NMUR1: variants seen among roughly 807,000 people sequenced by gnomAD.
NMUR1 encodes neuromedin-U receptor 1.
Under a neutral mutation model 18.8 loss-of-function variants are expected in NMUR1, and 16 were observed. That is an observed-to-expected ratio of 0.85 (90% CI 0.58 to 1.29). NMUR1 has a LOEUF of 1.29. Among genes scored for constraint, NMUR1 ranks in the 50% most tolerant of loss-of-function variants. The probability of loss-of-function intolerance (pLI) is 0.00; values close to 1 mark genes in which losing one functional copy is unlikely to be tolerated. For missense variants in NMUR1, 529 were observed against 580.3 expected (o/e 0.91, Z 0.91); for synonymous variants, 258 against 258.2 (o/e 1.00, Z 0.01).
chr2:231,519,557 G>A (rs909917334), downstream of NMUR1, among the ~76,000 whole-genome samples: 1 of 152,230 alleles, frequency 6.6e-6, no homozygotes, highest in Admixed American at 6.5e-5. Flanking sequence ...TCTCATTTGT[G>A]TGCAGGCAGA....
downstream of NMUR1, among the ~76,000 whole-genome samples, chr2:231,520,391 C>T (rs1465859368): frequency 6.6e-6 from 1 of 152,208 alleles, no homozygotes; most frequent in East Asian, 1.9e-4. Flanking sequence ...GTCACTTGCT[C>T]CAGATACAGG....
downstream of NMUR1, among the ~76,000 whole-genome samples, chr2:231,522,289 G>A (rs1055349156): frequency 2.6e-5 from 2 of 78,374 alleles, no homozygotes; most frequent in African/African-American, 7.2e-5. Context: ...CCGGCCCAGA[G>A]GGCACCCTTC....
At position 231,528,523 on chromosome 2, in the gene NMUR1, T is replaced by C. The variant is rs2047381152; in HGVS notation, c.498A>G (p.Pro166=). The change falls in exon 2 of 3, where the codon CCA becomes CCG. Residue 166 remains proline (P), a synonymous_variant. Transcript: ENST00000305141. ...SVERYVAVVH[P]LQARSMVTRA... ...GCGTCACCATGGACCTGGCCTGGAG[T>C]GGGTGCACCACGGCCACATAGCGTT... 7 of 1,613,624 alleles carry C rather than the reference T, an allele frequency of 4.3e-6. No individual in the cohort carries two copies. The highest frequency in any genetic ancestry group is 4.0e-5 in the African/African-American group (3 of 74,876).
In NMUR1 at chr2:231,523,841, C is replaced by T. The variant is rs1025024811; in HGVS notation, c.*1202G>A. On this transcript the variant is annotated 3_prime_UTR_variant, in exon 3 of 3. Transcript: ENST00000305141. ...GTCCCTCTTCTCACTGCATTGAGTT[C>T]GGCAGAACCCTCCACAGGGTCACTC... 7 of 152,688 alleles carry T rather than the reference C, an allele frequency of 4.6e-5. No individual in the cohort carries two copies. Among genetic ancestry groups the T allele is most frequent in the Admixed American group, 3.3e-4 (5 of 15,280 alleles). 9.5% of individuals were successfully genotyped at this position (152,688 alleles called of 1,614,324 possible). A position where few individuals can be genotyped will look rare whatever the true frequency, so the allele number is the denominator to read the frequency against.
intron 2 of NMUR1, among the ~76,000 whole-genome samples, 168 bp from the exon 3 acceptor site, chr2:231,525,593 C>G (rs1326175967): frequency 6.6e-6 from 1 of 152,252 alleles, no homozygotes; most frequent in Non-Finnish European, 1.5e-5. Context: ...GGCCATGCCT[C>G]TCTCAGAGAG....
Position 231,525,361 on chromosome 2 carries a change from G to C in NMUR1, c.963C>G (p.Ser321Arg), listed in dbSNP as rs757098953. ...APFHADRVMW[S>R]VVSQWTDGLH... ...GGCCATCTGTCCACTGTGACACGAC[G>C]CTCCACATGACGCGGTCGGCGTGGA... is the stretch of plus-strand genomic sequence containing the variant. Residue 321 changes from serine to arginine, a missense_variant, in exon 3 of 3, where the codon AGC becomes AGG. Ser to Arg is a moderately radical substitution (Grantham distance 110). Coordinates refer to ENST00000305141, the MANE Select transcript of NMUR1 (RefSeq NM_006056.5). The C allele has an allele frequency of 6.2e-7, 1 of 1,613,970 alleles. No individual in the cohort carries two copies. Among genetic ancestry groups the C allele is most frequent in the Non-Finnish European group, 8.5e-7 (1 of 1,180,028 alleles).
intron 2 of NMUR1, 130 bp from the exon 3 acceptor site, chr2:231,525,555 TG>T: frequency 9.5e-7 from 1 of 1,057,632 alleles, no homozygotes; most frequent in Admixed American, 2.9e-5. Context: ...ATCACCCAGG[TG>T]GAAGTTTCTG....
chr2:231,525,981 C>T (rs1017963563), intron 2 of NMUR1, among the ~76,000 whole-genome samples: 9 of 151,952 alleles, frequency 5.9e-5, no homozygotes, highest in Admixed American at 5.2e-4. Flanking sequence ...CACACACACA[C>T]ACTGCCTGCC....
At chr2:231,521,975 T>TCTCTC (rs1559162762), downstream of NMUR1, among the ~76,000 whole-genome samples, 28 of 44,910 alleles carry the variant, frequency 6.2e-4, no homozygotes, top group East Asian at 9.2e-3. Context: ...TTTTTTCTCT[T>TCTCTC]TTTTTTTTTT....
chr2:231,525,550 C>T, intron 2 of NMUR1, 125 bp from the exon 3 acceptor site: 1 of 1,131,996 alleles, frequency 8.8e-7, no homozygotes, highest in Non-Finnish European at 1.2e-6. Context: ...CACCTATCAC[C>T]CAGGTGGAAG....
At position 231,524,680 on chromosome 2, in the gene NMUR1, A is replaced by C; in HGVS notation, c.*363T>G. The C allele has an allele frequency of 4.6e-6, 1 of 216,322 alleles. No homozygotes were observed. 13.4% of individuals were successfully genotyped at this position (216,322 alleles called of 1,614,324 possible). On this transcript the variant is annotated 3_prime_UTR_variant, in exon 3 of 3. Transcript: ENST00000305141. ...GCCAGAACCTGAACAGGAACTGGGA[A>C]GGACAGTGAGGACCCAGTGGGACCG...
At chr2:231,525,942 GCATGCACACACACAGACACACA>G (rs747660997) in intron 2 of NMUR1, among the ~76,000 whole-genome samples, 18,081 of 149,900 alleles carry the variant, frequency 0.12, 1,129 homozygotes, top group East Asian at 0.23. Context: ...ACACACACAT[GCATGCACACACACAGACACACA>G]CATGCACACA....
intron 2 of NMUR1, among the ~76,000 whole-genome samples, chr2:231,526,184 C>A (rs1385283592): frequency 1.3e-5 from 2 of 152,222 alleles, no homozygotes; most frequent in East Asian, 3.8e-4. Flanking sequence ...CAACTATGCC[C>A]TTCCCTGGGT....
downstream of NMUR1, among the ~76,000 whole-genome samples, chr2:231,518,623 G>GT (rs5839406): frequency 0.28 from 42,208 of 152,060 alleles, 6,520 homozygotes; most frequent in South Asian, 0.48. Context: ...TTTTTTGGTG[G>GT]TTTTTTGTAC....
intron 2 of NMUR1, among the ~76,000 whole-genome samples, chr2:231,525,953 CA>C (rs2047352601): frequency 9.1e-6 from 1 of 109,656 alleles, no homozygotes; most frequent in Non-Finnish European, 2.1e-5. Context: ...CATGCACACA[CA>C]CAGACACACA....
downstream of NMUR1, among the ~76,000 whole-genome samples, chr2:231,520,477 C>T (rs2047295553): frequency 6.6e-6 from 1 of 152,192 alleles, no homozygotes; most frequent in Non-Finnish European, 1.5e-5. Context: ...GTCCAGAACT[C>T]TTTCACCCCT....
downstream of NMUR1, among the ~76,000 whole-genome samples, chr2:231,521,806 C>T (rs1368739704): frequency 2.6e-5 from 4 of 151,994 alleles, no homozygotes; most frequent in Admixed American, 2.6e-4. Flanking sequence ...GGTGTTTTTG[C>T]CAGGTCTTGC....
intron 2 of NMUR1, among the ~76,000 whole-genome samples, chr2:231,526,578 A>G (rs544856698): frequency 2.6e-5 from 4 of 152,326 alleles, no homozygotes; most frequent in South Asian, 4.1e-4. Context: ...CACCGTGCAG[A>G]GCTGGGAGGC....
downstream of NMUR1, among the ~76,000 whole-genome samples, chr2:231,519,056 T>C (rs2047287562): frequency 6.6e-6 from 1 of 152,190 alleles, no homozygotes; most frequent in Non-Finnish European, 1.5e-5. Context: ...GCCAGTATGT[T>C]TATCTGCCCT....
Sources: gnomAD v4.1 joint callset for allele counts (sites outside exome capture counted in the v4.1 genomes callset) on GRCh38, gnomAD v4.1.1 for gene constraint, MANE v1.5 for transcripts, NCBI Gene and HGNC (gene_info 2026-07-23, HGNC 2026-07-21) for gene names.